Variants in HMCN1 observed in about 807,000 individuals in gnomAD.
The protein encoded by HMCN1 is hemicentin 1.
Under a neutral mutation model 625.9 loss-of-function variants are expected in HMCN1, and 321 were observed. The ratio of observed to expected loss-of-function variants is 0.51; its 90% CI spans 0.47 to 0.56. The LOEUF (loss-of-function observed/expected upper bound fraction) is 0.56, where lower values mean the gene tolerates loss of function less well. HMCN1 is among the 20% of genes least tolerant of loss of function. HMCN1 has a pLI of 0.00. For missense variants in HMCN1, 6,588 were observed against 6,887.3 expected, an observed-to-expected ratio of 0.96 and a Z score of 1.54; for synonymous variants, 2,425 against 2,417.6, an observed-to-expected ratio of 1.00 and a Z score of -0.09.
At chr1:185,918,284 A>C (rs560329660) in intron 6 of HMCN1, among the ~76,000 whole-genome samples, 3 of 152,198 alleles carry the variant, frequency 2.0e-5, no homozygotes, top group Non-Finnish European at 4.4e-5. Flanking sequence ...CCAAGAGTCC[A>C]AAGGCCGAAG....
Position 186,086,018 on chromosome 1 carries a change from A to C in HMCN1, c.8885-228A>C, listed in dbSNP as rs551449708. Among the ~76,000 whole-genome samples the C allele has an allele frequency of 2.0e-5, 3 of 152,328 alleles. No individual in the cohort carries two copies. In the East Asian group the frequency reaches 5.8e-4, roughly 29 times the overall value. On this transcript the variant is annotated intron_variant, in intron 57 of 106. Coordinates refer to ENST00000271588, the MANE Select transcript of HMCN1 (RefSeq NM_031935.3). ...CGACTATGTTTTACAAATAAAATGC[A>C]GAATAATTCTGTCTCTGAAAATTCT...
chr1:186,010,733 A>C (rs1653946365), intron 30 of HMCN1, among the ~76,000 whole-genome samples: 1 of 152,174 alleles, frequency 6.6e-6, no homozygotes, highest in Non-Finnish European at 1.5e-5. Flanking sequence ...TGAATTTGTT[A>C]ATTAATTACC....
chr1:186,110,975 T>G (rs1416261381), intron 71 of HMCN1, among the ~76,000 whole-genome samples: 1 of 113,648 alleles, frequency 8.8e-6, no homozygotes, highest in Non-Finnish European at 1.7e-5. Flanking sequence ...CCAGAGAAAA[T>G]TCTTTTTTTT....
intron 1 of HMCN1, among the ~76,000 whole-genome samples, chr1:185,811,740 A>AG (rs200145768): frequency 1.3e-5 from 2 of 152,106 alleles, no homozygotes; most frequent in African/African-American, 2.4e-5. Context: ...AAAAAAAAAA[A>AG]TACACATATG....
rs1477176155 is a variant in HMCN1 at position 186,114,054 on chromosome 1, C to T, written c.11207C>T (p.Ala3736Val). The change falls in exon 73 of 107, where the codon GCT (alanine) becomes GTT (valine). Residue 3736 changes from alanine to valine, a missense_variant. By Grantham distance (64) the Ala-to-Val change is moderately conservative. Coordinates refer to ENST00000271588, the MANE Select transcript of HMCN1 (RefSeq NM_031935.3). ...LNKSTVLECI[A>V]EGVPTPRITW... ...AAGTCAACTGTATTGGAATGCATCG[C>T]TGAAGGTGTGCCAACTCCAAGGATA... 2 of 1,614,090 alleles carry T rather than the reference C, an allele frequency of 1.2e-6. No homozygotes were observed. The highest frequency in any genetic ancestry group is 1.7e-6 in the Non-Finnish European group (2 of 1,179,974).
intron 103 of HMCN1, among the ~76,000 whole-genome samples, chr1:186,175,194 G>T (rs771425295): frequency 3.9e-5 from 6 of 152,070 alleles, no homozygotes; most frequent in Non-Finnish European, 7.4e-5. Context: ...GAATATGAAG[G>T]CAAATAGAAA....
chr1:185,875,647 A>G (rs1663880712), intron 4 of HMCN1, among the ~76,000 whole-genome samples: 1 of 152,062 alleles, frequency 6.6e-6, no homozygotes, highest in Admixed American at 6.6e-5. Context: ...TGCCCTGAGC[A>G]TCTGTGATAT....
At chr1:185,936,782 G>T (rs1194518714) in intron 11 of HMCN1, among the ~76,000 whole-genome samples, 2 of 152,156 alleles carry the variant, frequency 1.3e-5, no homozygotes, top group Non-Finnish European at 2.9e-5. Flanking sequence ...GTAGCAGAGG[G>T]GAGCATCACA....
intron 11 of HMCN1, among the ~76,000 whole-genome samples, chr1:185,951,649 G>A (rs972311431): frequency 2.0e-5 from 3 of 151,782 alleles, no homozygotes; most frequent in African/African-American, 7.3e-5. Flanking sequence ...GCTGCCAGGT[G>A]AGTTGAACAG....
intron 93 of HMCN1, 49 bp from the exon 94 acceptor site, chr1:186,151,151 T>G (rs1286584021): frequency 6.3e-7 from 1 of 1,596,140 alleles, no homozygotes; most frequent in African/African-American, 1.3e-5. Flanking sequence ...CCATGTAATG[T>G]TGATGAAATT....
At chr1:186,042,939 T>C (rs896119033) in intron 40 of HMCN1, among the ~76,000 whole-genome samples, 24 of 152,086 alleles carry the variant, frequency 1.6e-4, no homozygotes, top group African/African-American at 5.6e-4. Flanking sequence ...CAAAATAGCT[T>C]TTCCTACAAT....
intron 51 of HMCN1, 119 bp from the exon 52 acceptor site, chr1:186,070,493 C>A: frequency 1.2e-6 from 1 of 847,194 alleles, no homozygotes; most frequent in Non-Finnish European, 2.0e-6. Flanking sequence ...GAAAGGTCAG[C>A]ATAGAATGCC....
At chr1:186,127,354 A>T (rs1308852568) in intron 82 of HMCN1, among the ~76,000 whole-genome samples, 2 of 152,150 alleles carry the variant, frequency 1.3e-5, no homozygotes, top group African/African-American at 4.8e-5. Context: ...TTAAAGCTAT[A>T]GCACTGTATG....
intron 49 of HMCN1, among the ~76,000 whole-genome samples, chr1:186,066,958 GT>G (rs1658157178): frequency 6.6e-6 from 1 of 152,042 alleles, no homozygotes; most frequent in Non-Finnish European, 1.5e-5. Flanking sequence ...TTCTTGCAAG[GT>G]TCAAATTCCT....
chr1:186,067,218 T>C (rs1225117357), intron 49 of HMCN1, among the ~76,000 whole-genome samples: 1 of 152,186 alleles, frequency 6.6e-6, no homozygotes, highest in South Asian at 2.1e-4. Flanking sequence ...TAAATCTTTC[T>C]TTACTTGCTC....
chr1:185,814,119 C>G (rs1450694609), intron 1 of HMCN1, among the ~76,000 whole-genome samples: 1 of 152,134 alleles, frequency 6.6e-6, no homozygotes, highest in Non-Finnish European at 1.5e-5. Context: ...TCAAATTTAA[C>G]CTCTTATTTG....
At chr1:185,785,710 T>A (rs1657518703) in intron 1 of HMCN1, among the ~76,000 whole-genome samples, 1 of 152,208 alleles carries the variant, frequency 6.6e-6, no homozygotes, top group Non-Finnish European at 1.5e-5. Flanking sequence ...ATAGGAAACA[T>A]TTTTCTTCAG....
chr1:185,738,413 A>G (rs1323286308), intron 1 of HMCN1, among the ~76,000 whole-genome samples: 1 of 152,200 alleles, frequency 6.6e-6, no homozygotes, highest in Non-Finnish European at 1.5e-5. Context: ...CATATTCTAT[A>G]AGGTCTTTCA....
At chr1:185,986,314 T>C (rs1244278300) in intron 19 of HMCN1, among the ~76,000 whole-genome samples, 1 of 152,150 alleles carries the variant, frequency 6.6e-6, no homozygotes, top group Non-Finnish European at 1.5e-5. Flanking sequence ...AGAGTAGTTA[T>C]GATAATCCTT....
Sources: gnomAD v4.1 joint callset for allele counts (sites outside exome capture counted in the v4.1 genomes callset) on GRCh38, gnomAD v4.1.1 for gene constraint, MANE v1.5 for transcripts, NCBI Gene and HGNC (gene_info 2026-07-23, HGNC 2026-07-21) for gene names.